CLCN5: variants seen among roughly 807,000 people sequenced by gnomAD.
CLCN5 encodes H(+)/Cl(-) exchange transporter 5.
In CLCN5, 17 loss-of-function variants were observed where a neutral mutation model predicts 54.0. The ratio of observed to expected loss-of-function variants is 0.31; its 90% CI spans 0.22 to 0.47. The LOEUF is 0.47. CLCN5 is among the 20% of genes least tolerant of loss of function. The probability of loss-of-function intolerance (pLI) is 1.00; values close to 1 mark genes in which losing one functional copy is unlikely to be tolerated. For missense variants in CLCN5, 448 were observed against 646.7 expected (o/e 0.69, Z 3.33); for synonymous variants, 222 against 233.0 (o/e 0.95, Z 0.43).
At chrX:49,933,327 A>G (rs1212901710) in intron 3 of CLCN5, among the ~76,000 whole-genome samples, 1 of 111,944 alleles carries the variant, frequency 8.9e-6, no homozygotes, top group Non-Finnish European at 1.9e-5. Flanking sequence ...GTGGGGAGAA[A>G]TTGGTGGGGA....
At chrX:50,040,160 T>C (rs1932163113) in intron 3 of CLCN5, among the ~76,000 whole-genome samples, 1 of 112,080 alleles carries the variant, frequency 8.9e-6, no homozygotes, top group African/African-American at 3.2e-5. Flanking sequence ...GGATTTTGTG[T>C]GAGTCCTTTA....
chrX:50,026,201 T>G (rs1188524004), intron 3 of CLCN5, among the ~76,000 whole-genome samples: 9 of 112,346 alleles, frequency 8.0e-5, no homozygotes, highest in African/African-American at 2.6e-4. Flanking sequence ...TCTTAATGAT[T>G]TCTAGTCTAA....
At chrX:50,029,637 C>T (rs1931590855) in intron 3 of CLCN5, among the ~76,000 whole-genome samples, 1 of 111,610 alleles carries the variant, frequency 9.0e-6, no homozygotes, top group South Asian at 3.8e-4. Context: ...ATGAAAAAAG[C>T]TCACCATCAC....
At chrX:49,963,401 T>C (rs937095093) in intron 3 of CLCN5, among the ~76,000 whole-genome samples, 42 of 111,483 alleles carry the variant, frequency 3.8e-4, no homozygotes, top group African/African-American at 1.4e-3. Flanking sequence ...ATATAACTTA[T>C]AGCATGCTCT....
At chrX:49,953,796 A>G (rs1927176749) in intron 3 of CLCN5, among the ~76,000 whole-genome samples, 1 of 112,050 alleles carries the variant, frequency 8.9e-6, no homozygotes, top group Non-Finnish European at 1.9e-5. Flanking sequence ...GTAGAATTGG[A>G]TAGGTAGGAG....
At chrX:50,036,994 G>A (rs1345848264) in intron 3 of CLCN5, among the ~76,000 whole-genome samples, 1 of 112,279 alleles carries the variant, frequency 8.9e-6, no homozygotes, top group African/African-American at 3.2e-5. Context: ...TTTGTCAAAT[G>A]TAAATCTCAG....
intron 3 of CLCN5, among the ~76,000 whole-genome samples, chrX:50,007,560 A>G (rs1169513733): frequency 3.7e-5 from 4 of 108,810 alleles, no homozygotes; most frequent in Admixed American, 9.9e-5. Flanking sequence ...TTGAAGGAGA[A>G]CCTCATCAAC....
chrX:50,066,197 C>A, intron 4 of CLCN5, among the ~76,000 whole-genome samples: 2 of 84,374 alleles, frequency 2.4e-5, no homozygotes, highest in Admixed American at 1.2e-4. Context: ...AGAGAAATTC[C>A]AGAGCAAAAA....
In CLCN5 at chrX:50,096,829, C is replaced by A. The variant is rs1311479456; in HGVS notation, c.*4610C>A. 1 of 112,400 alleles carries A rather than the reference C, an allele frequency of 8.9e-6. No individual in the cohort carries two copies. The highest frequency in any genetic ancestry group is 1.9e-5 in the Non-Finnish European group (1 of 53,192). The allele number at this position is 112,400 out of a possible 1,213,427, so 9.3% of individuals were successfully genotyped here. A position where few individuals can be genotyped will look rare whatever the true frequency, so the allele number is the denominator to read the frequency against. On this transcript the variant is annotated 3_prime_UTR_variant, in exon 15 of 15. Coordinates refer to ENST00000376091, the MANE Select transcript of CLCN5 (RefSeq NM_001127898.4). ...CAAGGGGAGAAAAAGTCAAGCAATGCTTCAAAGGCCAGGCTTTCTAAGCAA... is the reference window on the plus strand; with the variant it reads ...CAAGGGGAGAAAAAGTCAAGCAATGATTCAAAGGCCAGGCTTTCTAAGCAA...
chrX:50,019,524 T>G (rs1930982172), intron 3 of CLCN5, among the ~76,000 whole-genome samples: 1 of 67,591 alleles, frequency 1.5e-5, no homozygotes, highest in African/African-American at 5.7e-5. Flanking sequence ...ATGTGCACAT[T>G]GTGCAGGTTA....
At chrX:49,947,230 A>T (rs1283977229) in intron 3 of CLCN5, among the ~76,000 whole-genome samples, 2 of 111,575 alleles carry the variant, frequency 1.8e-5, no homozygotes, top group Admixed American at 1.9e-4. Context: ...TTTTTCATCT[A>T]CTTACAAAGA....
intron 3 of CLCN5, among the ~76,000 whole-genome samples, chrX:50,003,789 G>A (rs782290098): frequency 8.4e-5 from 9 of 107,580 alleles, no homozygotes; most frequent in African/African-American, 3.4e-4. Context: ...TCATACTCAG[G>A]GATAGGCACA....
intron 3 of CLCN5, among the ~76,000 whole-genome samples, chrX:49,939,928 T>C (rs1926238911): frequency 8.9e-6 from 1 of 111,814 alleles, no homozygotes; most frequent in Non-Finnish European, 1.9e-5. Flanking sequence ...TTCAGCAATC[T>C]CTTAACTCAT....
At chrX:50,092,088 C>A in intron 14 of CLCN5, 41 bp from the exon 15 acceptor site, 1 of 1,010,641 alleles carries the variant, frequency 9.9e-7, no homozygotes, top group Non-Finnish European at 1.4e-6. Context: ...ATTTTAACTA[C>A]AGATTTATTT....
In CLCN5 at chrX:49,939,734, C is replaced by T. The variant is rs147240712; in HGVS notation, c.16+14420C>T. On this transcript the variant is annotated intron_variant, in intron 3 of 14. Coordinates refer to ENST00000376091, the MANE Select transcript of CLCN5 (RefSeq NM_001127898.4). Reference sequence around the variant, plus strand: ...AACACACCAACATGGCACATGTATACATATGTAACAAACCTGCACATTGTG... The same window carrying T: ...AACACACCAACATGGCACATGTATATATATGTAACAAACCTGCACATTGTG... Among the ~76,000 whole-genome samples, 252 of 111,138 alleles carry T rather than the reference C, an allele frequency of 2.3e-3. 7 individuals are homozygous for T. In the East Asian group the frequency reaches 0.065, roughly 29 times the overall value.
chrX:49,950,282 A>G (rs1210195820), intron 3 of CLCN5, among the ~76,000 whole-genome samples: 1 of 112,028 alleles, frequency 8.9e-6, no homozygotes, highest in Non-Finnish European at 1.9e-5. Flanking sequence ...TTAATAGACA[A>G]CTATGTAAAA....
intron 3 of CLCN5, among the ~76,000 whole-genome samples, chrX:49,937,453 G>A (rs2147264782): frequency 8.9e-6 from 1 of 111,814 alleles, no homozygotes; most frequent in African/African-American, 3.2e-5. Flanking sequence ...AGAAATAAAA[G>A]GAATATTAGT....
intron 3 of CLCN5, among the ~76,000 whole-genome samples, chrX:49,993,775 G>A: frequency 8.9e-6 from 1 of 111,889 alleles, no homozygotes; most frequent in Admixed American, 9.5e-5. Context: ...GGCCAGTCTG[G>A]CCCAGTAACA....
chrX:50,009,103 G>A (rs1602045004), intron 3 of CLCN5: 2 of 296,535 alleles, frequency 6.7e-6, no homozygotes, highest in South Asian at 6.6e-5. Flanking sequence ...TTTGCTATGC[G>A]GTGCCAGATC....
Sources: gnomAD v4.1 joint callset for allele counts (sites outside exome capture counted in the v4.1 genomes callset) on GRCh38, gnomAD v4.1.1 for gene constraint, MANE v1.5 for transcripts, NCBI Gene and HGNC (gene_info 2026-07-23, HGNC 2026-07-21) for gene names.